Variants in PDE1A observed in about 807,000 individuals in gnomAD.
The protein encoded by PDE1A is dual specificity calcium/calmodulin-dependent 3',5'-cyclic nucleotide phosphodiesterase 1A.
PDE1A carries 35 observed loss-of-function variants against 61.7 expected under a neutral mutation model. The ratio of observed to expected loss-of-function variants is 0.57; its 90% CI spans 0.43 to 0.75. The LOEUF (loss-of-function observed/expected upper bound fraction) is 0.75, where lower values mean the gene tolerates loss of function less well. Among genes scored for constraint, PDE1A ranks in the 30% least tolerant of loss-of-function variants. The pLI is 0.00. For missense variants in PDE1A, 597 were observed against 630.6 expected (o/e 0.95, Z 0.57); for synonymous variants, 232 against 213.2 (o/e 1.09, Z -0.77).
At chr2:182,494,528 T>C (rs749815357) in intron 2 of PDE1A, among the ~76,000 whole-genome samples, 16 of 152,094 alleles carry the variant, frequency 1.1e-4, no homozygotes, top group South Asian at 4.2e-4. Context: ...GTGTCTTTTA[T>C]GGTTTTCTTC....
At chr2:182,383,184 C>A (rs1204735130) in intron 1 of PDE1A, among the ~76,000 whole-genome samples, 1 of 152,174 alleles carries the variant, frequency 6.6e-6, no homozygotes, top group African/African-American at 2.4e-5. Flanking sequence ...CTCTTTTCTT[C>A]TCTTTCTATC....
At chr2:182,535,075 A>AT in the PDE1A span, among the ~76,000 whole-genome samples, 8,127 of 151,662 alleles carry the variant, frequency 0.054, 268 homozygotes, top group Middle Eastern at 0.099. Context: ...TATCAAAAGT[A>AT]TTTTTTTATA....
intron 13 of PDE1A, among the ~76,000 whole-genome samples, chr2:182,152,412 C>CTTTTT (rs559392112): frequency 4.7e-4 from 35 of 75,268 alleles, no homozygotes; most frequent in South Asian, 5.6e-4. Context: ...TTTTTTTCCT[C>CTTTTT]TTTTTTTTTT....
chr2:182,670,942 C>T, the PDE1A span, among the ~76,000 whole-genome samples: 2 of 151,642 alleles, frequency 1.3e-5, no homozygotes, highest in Non-Finnish European at 2.9e-5. Flanking sequence ...CTCAGCCTCC[C>T]GAGTAACTGG....
intron 10 of PDE1A, among the ~76,000 whole-genome samples, chr2:182,198,681 T>C (rs1382727843): frequency 2.0e-5 from 3 of 151,890 alleles, no homozygotes; most frequent in African/African-American, 2.4e-5. Flanking sequence ...TGATATGATA[T>C]GCACTATCTT....
At chr2:182,185,766 A>G in intron 13 of PDE1A, 126 bp downstream of exon 13, 1 of 1,520,918 alleles carries the variant, frequency 6.6e-7, no homozygotes, top group Non-Finnish European at 8.8e-7. Flanking sequence ...AGAGTAGCCA[A>G]ATTCCCAATA....
chr2:182,226,898 A>T (rs917300799), intron 6 of PDE1A, among the ~76,000 whole-genome samples: 1 of 139,328 alleles, frequency 7.2e-6, no homozygotes, highest in Non-Finnish European at 1.5e-5. Context: ...TAACAGAAAC[A>T]AAGGAAGGGA....
In PDE1A at chr2:182,350,733, G is replaced by A. The variant is rs74486261; in HGVS notation, c.53+75845C>T. On this transcript the variant is annotated intron_variant, in intron 1 of 13. Coordinates refer to ENST00000351439, the Ensembl canonical transcript of PDE1A. ...GAGGACATTTCCAGTTATCTCCATGGACTTCTCATCTGTAGAGTGGGGCAT... is the reference window on the plus strand; with the variant it reads ...GAGGACATTTCCAGTTATCTCCATGAACTTCTCATCTGTAGAGTGGGGCAT... Among the ~76,000 whole-genome samples the A allele has an allele frequency of 3.7e-3, 560 of 152,194 alleles. 1 individual carries two copies. Among genetic ancestry groups the A allele is most frequent in the African/African-American group, 0.013 (527 of 41,528 alleles).
intron 2 of PDE1A, among the ~76,000 whole-genome samples, chr2:182,462,210 C>T (rs911957610): frequency 2.6e-5 from 4 of 151,666 alleles, no homozygotes; most frequent in East Asian, 1.9e-4. Context: ...ATGTAAATGA[C>T]GAGTTAATGG....
At chr2:182,553,836 G>C in the PDE1A span, among the ~76,000 whole-genome samples, 1 of 152,208 alleles carries the variant, frequency 6.6e-6, no homozygotes, top group African/African-American at 2.4e-5. Flanking sequence ...GCATGACAGA[G>C]TTATGTATAT....
At chr2:182,403,850 C>A (rs987156795) in intron 1 of PDE1A, among the ~76,000 whole-genome samples, 2 of 151,800 alleles carry the variant, frequency 1.3e-5, no homozygotes, top group African/African-American at 2.4e-5. Context: ...GGGGGCTAGG[C>A]AAGGGATAGC....
the PDE1A span, among the ~76,000 whole-genome samples, chr2:182,577,994 G>GGAAGGAAGGAAGGAAGGA: frequency 2.8e-4 from 33 of 116,884 alleles, no homozygotes; most frequent in African/African-American, 1.2e-3. Context: ...GGAAGGAAGG[G>GGAAGGAAGGAAGGAAGGA]ACGGAGGGAG....
intron 2 of PDE1A, among the ~76,000 whole-genome samples, chr2:182,509,359 T>C (rs1395629363): frequency 2.6e-5 from 4 of 152,202 alleles, no homozygotes; most frequent in Non-Finnish European, 4.4e-5. Context: ...ATACGCCACA[T>C]GATAACTCCA....
chr2:182,300,413 G>GT (rs1409055713), intron 1 of PDE1A, among the ~76,000 whole-genome samples: 4 of 152,154 alleles, frequency 2.6e-5, no homozygotes, highest in African/African-American at 9.7e-5. Flanking sequence ...ATTGTTGGGA[G>GT]TTCAAAGCTC....
At chr2:182,384,073 T>G (rs1034868315) in intron 1 of PDE1A, among the ~76,000 whole-genome samples, 3 of 152,222 alleles carry the variant, frequency 2.0e-5, no homozygotes, top group Non-Finnish European at 4.4e-5. Flanking sequence ...GCAGGCTGAC[T>G]TCAGCAGCTC....
the PDE1A span, among the ~76,000 whole-genome samples, chr2:182,710,840 T>C: frequency 1.3e-5 from 2 of 152,212 alleles, no homozygotes. Flanking sequence ...TTCTCGAATC[T>C]GTTTATTTCT....
intron 1 of PDE1A, among the ~76,000 whole-genome samples, chr2:182,320,555 T>A (rs1696634179): frequency 6.6e-6 from 1 of 152,210 alleles, no homozygotes; most frequent in Admixed American, 6.5e-5. Flanking sequence ...ATAAAATTTA[T>A]GTTTATCTTT....
chr2:182,355,100 G>T (rs1699102033), intron 1 of PDE1A, among the ~76,000 whole-genome samples: 1 of 151,680 alleles, frequency 6.6e-6, no homozygotes, highest in South Asian at 2.1e-4. Flanking sequence ...GTATTTTAAT[G>T]GACATTAATA....
intron 1 of PDE1A, among the ~76,000 whole-genome samples, chr2:182,361,408 T>A (rs1699499435): frequency 6.6e-6 from 1 of 152,080 alleles, no homozygotes; most frequent in Non-Finnish European, 1.5e-5. Flanking sequence ...TTGCTAACAT[T>A]TTTTCCCCAA....
Sources: allele counts gnomAD v4.1 joint callset (sites outside exome capture counted in the v4.1 genomes callset), GRCh38; gene constraint gnomAD v4.1.1; transcripts MANE v1.5; gene names NCBI Gene and HGNC (gene_info 2026-07-23, HGNC 2026-07-21).